The following RNF141 variants were observed in gnomAD, a reference collection of about 807,000 sequenced individuals.
The protein encoded by RNF141 is C3HC4-like zinc finger protein.
Under a neutral mutation model 27.4 loss-of-function variants are expected in RNF141, and 18 were observed. The observed-to-expected ratio is 0.66, with a 90% CI of 0.45 to 0.97. The LOEUF is 0.97. RNF141 is among the 50% of genes least tolerant of loss of function. RNF141 has a pLI of 0.00. For synonymous variants in RNF141, 97 were observed against 96.6 expected, an observed-to-expected ratio of 1.00 and a Z score of -0.02; for missense variants, 230 against 279.4, an observed-to-expected ratio of 0.82 and a Z score of 1.26.
chr11:10,534,407 G>A (rs760099219), intron 1 of RNF141, among the ~76,000 whole-genome samples: 1 of 151,844 alleles, frequency 6.6e-6, no homozygotes, highest in South Asian at 2.1e-4. Context: ...ATATATTATT[G>A]GGAGGGTGAT....
At chr11:10,532,721 A>G (rs1279296036) in intron 2 of RNF141, among the ~76,000 whole-genome samples, 1 of 152,196 alleles carries the variant, frequency 6.6e-6, no homozygotes, top group East Asian at 1.9e-4. Flanking sequence ...ACAGATTGCT[A>G]AGCATGTCTC....
intron 1 of RNF141, chr11:10,540,871 C>T (rs1044238552): frequency 6.6e-6 from 1 of 152,266 alleles, no homozygotes; most frequent in Admixed American, 6.5e-5. Context: ...AGAACCACCC[C>T]GAGGCGGGAC....
intron 5 of RNF141, chr11:10,516,835 CA>C (rs938111276): frequency 2.0e-5 from 3 of 152,102 alleles, no homozygotes; most frequent in Non-Finnish European, 2.9e-5. Context: ...TCCTGCCTAA[CA>C]AATCACAAAA....
intron 1 of RNF141, among the ~76,000 whole-genome samples, chr11:10,538,048 C>A (rs954397789): frequency 2.0e-5 from 3 of 152,180 alleles, no homozygotes; most frequent in African/African-American, 4.8e-5. Flanking sequence ...CCCACCAAAA[C>A]CATATTTCAA....
chr11:10,534,725 G>GT (rs1380028720), intron 1 of RNF141, among the ~76,000 whole-genome samples: 1 of 152,220 alleles, frequency 6.6e-6, no homozygotes, highest in South Asian at 2.1e-4. Context: ...TTACACAGCT[G>GT]TAAGTGGTGA....
Position 10,534,118 on chromosome 11 carries a change from T to A in RNF141, c.41A>T (p.Asn14Ile). ...TTTTGCTACTTTTTCTGGTAACTTG[T>A]TAATAACCAACTGTGTCTGATCCGA... ...QISDQTQLVI[N>I]KLPEKVAKHV... Residue 14 changes from asparagine to isoleucine, a missense_variant, in exon 2 of 6, where the codon AAC (asparagine) becomes ATC (isoleucine). Asn to Ile is a moderately radical substitution (Grantham distance 149, BLOSUM62 -3). Coordinates refer to ENST00000265981, the MANE Select transcript of RNF141 (RefSeq NM_016422.4). 6.2e-7 allele frequency: 1 copy of A among 1,613,694 alleles called. No homozygotes were observed. Among genetic ancestry groups the A allele is most frequent in the Non-Finnish European group, 8.5e-7 (1 of 1,179,704 alleles).
chr11:10,531,564 C>T (rs1019705157), intron 2 of RNF141, among the ~76,000 whole-genome samples: 4 of 152,144 alleles, frequency 2.6e-5, no homozygotes, highest in Non-Finnish European at 4.4e-5. Context: ...TGATTTGAGA[C>T]ACTTTATATA....
intron 4 of RNF141, 42 bp from the exon 5 acceptor site, chr11:10,519,183 CATT>C: frequency 6.5e-7 from 1 of 1,537,372 alleles, no homozygotes; most frequent in Non-Finnish European, 9.0e-7. Context: ...TATTCTCTGT[CATT>C]ATGCTTTATA....
chr11:10,516,337 C>G (rs1216707694), intron 5 of RNF141: 1 of 152,202 alleles, frequency 6.6e-6, no homozygotes, highest in Non-Finnish European at 1.5e-5. Context: ...CACTGGCCAT[C>G]AGACAACAAA....
Position 10,514,844 on chromosome 11 carries a change from ACAAC to A in RNF141, c.*68_*71del. 1 of 1,445,294 alleles carries A rather than the reference ACAAC, an allele frequency of 6.9e-7. No individual in the cohort carries two copies. Among genetic ancestry groups the A allele is most frequent in the Non-Finnish European group, 9.3e-7 (1 of 1,073,548 alleles). 89.5% of individuals were successfully genotyped at this position (1,445,294 alleles called of 1,614,324 possible). The stretch of plus-strand genomic sequence containing the variant: ...ATTTTCCTGTGTCTGTGCCAGTGCC[ACAAC>A]CCTACATTCTTCCCCCATGACCAAA... On this transcript the variant is annotated 3_prime_UTR_variant, in exon 6 of 6. Coordinates refer to ENST00000265981, the MANE Select transcript of RNF141 (RefSeq NM_016422.4).
chr11:10,519,227 C>T, intron 4 of RNF141, 86 bp from the exon 5 acceptor site: 1 of 1,108,800 alleles, frequency 9.0e-7, no homozygotes, highest in Non-Finnish European at 1.3e-6. Context: ...CATTATTAAA[C>T]ATCTATATGC....
intron 4 of RNF141, among the ~76,000 whole-genome samples, chr11:10,520,109 A>G (rs1268480929): frequency 6.6e-6 from 1 of 152,242 alleles, no homozygotes; most frequent in Non-Finnish European, 1.5e-5. Context: ...ACATTACTGT[A>G]TAGCACTTGT....
intron 1 of RNF141, among the ~76,000 whole-genome samples, chr11:10,540,158 C>G (rs1358459820): frequency 6.6e-6 from 1 of 152,012 alleles, no homozygotes; most frequent in Admixed American, 6.5e-5. Context: ...AGACAAAATT[C>G]TGAATGGGTA....
chr11:10,535,892 G>A (rs909435323), intron 1 of RNF141, among the ~76,000 whole-genome samples: 1 of 152,056 alleles, frequency 6.6e-6, no homozygotes, highest in Non-Finnish European at 1.5e-5. Context: ...AGAAGCCAAG[G>A]GTTGCAGACT....
intron 4 of RNF141, among the ~76,000 whole-genome samples, chr11:10,519,410 T>C (rs1453359035): frequency 1.3e-5 from 2 of 152,174 alleles, no homozygotes; most frequent in Admixed American, 1.3e-4. Context: ...AAAGTGGAAA[T>C]AGTCAAATCT....
intron 5 of RNF141, chr11:10,517,162 T>C (rs945350894): frequency 6.6e-6 from 1 of 151,820 alleles, no homozygotes; most frequent in Non-Finnish European, 1.5e-5. Flanking sequence ...AGCTCAAAGA[T>C]AGTAAGAAGA....
At chr11:10,541,071 CCTG>C (rs1850098493) in intron 1 of RNF141, 48 bp downstream of exon 1, 1 of 152,348 alleles carries the variant, frequency 6.6e-6, no homozygotes, top group South Asian at 2.1e-4. Flanking sequence ...GACCCAGAGT[CCTG>C]GAGCAGCTAG....
rs931309730 is a variant in RNF141, at chr11:10,525,226, C to T, written c.400G>A (p.Val134Ile). Residue 134 changes from valine to isoleucine, a missense_variant, in exon 4 of 6, where the codon GTA becomes ATA. Physicochemically the swap from Val to Ile is conservative, Grantham distance 29. Coordinates refer to ENST00000265981, the MANE Select transcript of RNF141 (RefSeq NM_016422.4). ...SEEPDENSSS[V>I]TSCQASLWMG... ...CAAAGACTAGCCTGACAAGATGTTACAGAGGATGAGTTTTCATCAGGTTCT... is the reference window on the plus strand; with the variant it reads ...CAAAGACTAGCCTGACAAGATGTTATAGAGGATGAGTTTTCATCAGGTTCT... 1 of 1,611,212 alleles carries T rather than the reference C, an allele frequency of 6.2e-7. No individual in the cohort carries two copies. The highest frequency in any genetic ancestry group is 1.1e-5 in the South Asian group (1 of 90,370).
chr11:10,525,476 G>T, intron 3 of RNF141, 103 bp from the exon 4 acceptor site: 1 of 817,304 alleles, frequency 1.2e-6, no homozygotes, highest in Non-Finnish European at 1.9e-6. Context: ...TAGGAAATAG[G>T]AGTTTTCAGG....
Sources: gnomAD v4.1 joint callset for allele counts (sites outside exome capture counted in the v4.1 genomes callset) on GRCh38, gnomAD v4.1.1 for gene constraint, MANE v1.5 for transcripts, NCBI Gene and HGNC (gene_info 2026-07-23, HGNC 2026-07-21) for gene names.